Variants in NCAM2 observed in about 807,000 individuals in gnomAD.
The protein encoded by NCAM2 is neural cell adhesion molecule 2.
In NCAM2, 30 loss-of-function variants were observed where a neutral mutation model predicts 98.1. The ratio of observed to expected loss-of-function variants is 0.31; its 90% CI spans 0.23 to 0.41. The LOEUF (loss-of-function observed/expected upper bound fraction) is 0.41. Ranked by LOEUF, NCAM2 falls within the 10% of genes least tolerant of loss-of-function variation. The pLI, the probability that NCAM2 is intolerant of heterozygous loss-of-function variation, is 1.00. For synonymous variants in NCAM2, 368 were observed against 342.4 expected (o/e 1.07, Z -0.83); for missense variants, 867 against 1,005.8 (o/e 0.86, Z 1.87).
intron 6 of NCAM2, among the ~76,000 whole-genome samples, chr21:21,332,405 A>C (rs2074740657): frequency 1.3e-5 from 2 of 152,140 alleles, no homozygotes; most frequent in South Asian, 4.1e-4. Flanking sequence ...TCCATTACTG[A>C]TGCAATATTA....
intron 5 of NCAM2, among the ~76,000 whole-genome samples, chr21:21,312,879 T>C (rs896000408): frequency 1.3e-4 from 20 of 151,862 alleles, no homozygotes; most frequent in Admixed American, 1.1e-3. Flanking sequence ...GATTTATCTT[T>C]AAATAAATGT....
At chr21:21,296,119 C>A (rs1393358989) in intron 5 of NCAM2, among the ~76,000 whole-genome samples, 1 of 151,776 alleles carries the variant, frequency 6.6e-6, no homozygotes, top group Non-Finnish European at 1.5e-5. Flanking sequence ...TACTAAAAGG[C>A]CTAACACAGC....
chr21:21,318,770 G>A (rs1056464160), intron 5 of NCAM2, among the ~76,000 whole-genome samples: 1 of 152,064 alleles, frequency 6.6e-6, no homozygotes. Context: ...GGTCATATTT[G>A]GCCAGGTGAC....
At chr21:21,092,812 AAAT>A (rs1158049885) in intron 1 of NCAM2, among the ~76,000 whole-genome samples, 1 of 151,848 alleles carries the variant, frequency 6.6e-6, no homozygotes. Context: ...ATATAATATA[AAAT>A]AATAATGTAT....
intron 1 of NCAM2, among the ~76,000 whole-genome samples, chr21:21,272,111 T>A (rs2072524410): frequency 6.6e-6 from 1 of 152,168 alleles, no homozygotes; most frequent in African/African-American, 2.4e-5. Flanking sequence ...GCTTAAATGA[T>A]AAAGTGTGAA....
At chr21:21,071,569 G>A (rs147165826) in intron 1 of NCAM2, among the ~76,000 whole-genome samples, 53 of 152,294 alleles carry the variant, frequency 3.5e-4, no homozygotes, top group African/African-American at 1.2e-3. Context: ...ATTGAAAAAG[G>A]TTTATGCAGC....
chr21:21,061,360 G>C (rs937780833), intron 1 of NCAM2, among the ~76,000 whole-genome samples: 1 of 152,120 alleles, frequency 6.6e-6, no homozygotes, highest in Non-Finnish European at 1.5e-5. Flanking sequence ...CATATTTTCT[G>C]TCATCAGGTG....
rs758887162 is a variant in NCAM2, at chr21:21,410,353, A to G, written c.1275A>G (p.Lys425=). The G allele has an allele frequency of 6.2e-7, 1 of 1,603,198 alleles. No homozygotes were observed. The part of the protein sequence containing the change: ...GNPINISCDV[K]SNPPASIHWR... ...CTATCAATATAAGTTGTGATGTGAA[A>G]TCGAATCCACCAGCATCAATTCACT... Residue 425 remains lysine (K), a synonymous_variant, in exon 10 of 18, where the codon AAA becomes AAG. Transcript: ENST00000400546.
At chr21:21,345,194 A>G (rs955364810) in intron 8 of NCAM2, among the ~76,000 whole-genome samples, 4 of 152,126 alleles carry the variant, frequency 2.6e-5, no homozygotes, top group Non-Finnish European at 5.9e-5. Context: ...TGCAATTAAT[A>G]CCTAACTCTT....
chr21:21,015,249 T>C (rs7275360), intron 1 of NCAM2, among the ~76,000 whole-genome samples: 147,034 of 152,314 alleles, frequency 0.97, 71,019 homozygotes, highest in Non-Finnish European at 0.99. Flanking sequence ...AAGCATTCTA[T>C]TGTAGGTCAA....
At chr21:21,287,721 T>C (rs1042971608) in intron 4 of NCAM2, among the ~76,000 whole-genome samples, 3 of 151,728 alleles carry the variant, frequency 2.0e-5, no homozygotes, top group African/African-American at 7.3e-5. Context: ...TGACAACGGG[T>C]AGTGGTGATG....
intron 1 of NCAM2, among the ~76,000 whole-genome samples, chr21:21,016,438 T>C: frequency 6.6e-6 from 1 of 152,094 alleles, no homozygotes; most frequent in East Asian, 1.9e-4. Context: ...AGATTAATTA[T>C]CTTTTATAAA....
intron 15 of NCAM2, among the ~76,000 whole-genome samples, chr21:21,507,340 A>G (rs1009039351): frequency 1.3e-5 from 2 of 152,182 alleles, no homozygotes; most frequent in African/African-American, 4.8e-5. Context: ...TTATACATAT[A>G]TAAAACAAAT....
rs1982460438 is a variant in NCAM2, at chr21:21,458,351, TCAGAGGAAGGGCCTCTTAG to T, written c.1655-8249_1655-8231del. Among the ~76,000 whole-genome samples, 3 of 152,220 alleles carry T rather than the reference TCAGAGGAAGGGCCTCTTAG, an allele frequency of 2.0e-5. No individual in the cohort carries two copies. The South Asian group carries it at 6.2e-4, about 31-fold the overall frequency. On this transcript the variant is annotated intron_variant, in intron 12 of 17. Coordinates refer to ENST00000400546, the MANE Select transcript of NCAM2 (RefSeq NM_004540.5). ...GAGCGTGGCTGCCTCCACGTGGATT[TCAGAGGAAGGGCCTCTTAG>T]CAGAGCTGCAGGCTCAGGTCCCTAG...
chr21:21,464,841 A>C (rs1045245261), intron 12 of NCAM2, among the ~76,000 whole-genome samples: 1 of 152,094 alleles, frequency 6.6e-6, no homozygotes, highest in Non-Finnish European at 1.5e-5. Flanking sequence ...GGTTTCCTGA[A>C]AAGTTTGCAG....
At chr21:21,311,067 A>G (rs1158578227) in intron 5 of NCAM2, among the ~76,000 whole-genome samples, 1 of 152,222 alleles carries the variant, frequency 6.6e-6, no homozygotes, top group Non-Finnish European at 1.5e-5. Flanking sequence ...AGAAATTATA[A>G]TTTATTTGCC....
At chr21:21,051,682 A>G (rs1192644198) in intron 1 of NCAM2, among the ~76,000 whole-genome samples, 1 of 152,196 alleles carries the variant, frequency 6.6e-6, no homozygotes, top group East Asian at 1.9e-4. Flanking sequence ...GTTGCTTGCA[A>G]GAAAAGCAGA....
chr21:21,234,816 A>G (rs2070756020), intron 1 of NCAM2, among the ~76,000 whole-genome samples: 1 of 151,992 alleles, frequency 6.6e-6, no homozygotes. Context: ...ACAGGTCATT[A>G]TTGCTGTTAC....
At chr21:21,148,000 G>A (rs534904776) in intron 1 of NCAM2, among the ~76,000 whole-genome samples, 80 of 152,092 alleles carry the variant, frequency 5.3e-4, no homozygotes, top group African/African-American at 1.8e-3. Context: ...CTGAGGGCAG[G>A]ATAAGATGGA....
Sources: gnomAD v4.1 joint callset for allele counts (sites outside exome capture counted in the v4.1 genomes callset) on GRCh38, gnomAD v4.1.1 for gene constraint, MANE v1.5 for transcripts, NCBI Gene and HGNC (gene_info 2026-07-23, HGNC 2026-07-21) for gene names.